Variants in SH2D4A observed in about 807,000 individuals in gnomAD.
SH2D4A encodes the protein SH2 domain-containing protein 4A.
A neutral mutation model predicts 64.7 loss-of-function variants in SH2D4A; 70 were observed. The observed-to-expected ratio is 1.08, with a 90% CI of 0.89 to 1.32. The LOEUF is 1.32. Ranked by LOEUF, SH2D4A falls within the 40% of genes most tolerant of loss-of-function variation. SH2D4A has a pLI of 0.00. For missense variants in SH2D4A, 706 were observed against 540.1 expected (o/e 1.31, Z -3.04); for synonymous variants, 268 against 200.7 (o/e 1.34, Z -2.83).
intron 6 of SH2D4A, 71 bp from the exon 7 acceptor site, chr8:19,364,001 A>G: frequency 8.2e-6 from 12 of 1,462,128 alleles, no homozygotes; most frequent in Non-Finnish European, 1.1e-5. Flanking sequence ...CCCGTTGTGC[A>G]ATGAATGCTG....
intron 6 of SH2D4A, chr8:19,363,826 C>A (rs1420927423): frequency 1.1e-5 from 6 of 525,646 alleles, no homozygotes; most frequent in Non-Finnish European, 1.7e-5. Flanking sequence ...ATCCCTTCTT[C>A]CTCCTCTTCC....
intron 5 of SH2D4A, 80 bp downstream of exon 5, chr8:19,357,363 C>A: frequency 9.8e-7 from 1 of 1,023,234 alleles, no homozygotes. Context: ...GTTAATTAAT[C>A]TCATGCAGAA....
At chr8:19,380,114 T>G (rs2053267757) in intron 8 of SH2D4A, among the ~76,000 whole-genome samples, 1 of 152,184 alleles carries the variant, frequency 6.6e-6, no homozygotes, top group Non-Finnish European at 1.5e-5. Flanking sequence ...TTGAGTTGCA[T>G]TTCCCTAATG....
At chr8:19,392,002 T>G (rs2053501093) in intron 8 of SH2D4A, among the ~76,000 whole-genome samples, 2 of 152,118 alleles carry the variant, frequency 1.3e-5, no homozygotes, top group South Asian at 4.1e-4. Flanking sequence ...GCTCACTGAA[T>G]AATTCATTGA....
In SH2D4A at chr8:19,371,587, C is replaced by G. The variant is rs146582435; in HGVS notation, c.918-1943C>G. Among the ~76,000 whole-genome samples, 103 of 151,906 alleles carry G rather than the reference C, an allele frequency of 6.8e-4. 2 individuals carry two copies. In the East Asian group the frequency reaches 0.016, roughly 23 times the overall value. ...AATCTGACTGGTGACCTTCGATCAT[C>G]CTATGCTTGGCTATTAATTTTTTTC... On this transcript the variant is annotated intron_variant, in intron 7 of 9. Transcript: ENST00000265807.
intron 8 of SH2D4A, among the ~76,000 whole-genome samples, chr8:19,382,687 G>C (rs973841958): frequency 6.6e-6 from 1 of 152,058 alleles, no homozygotes; most frequent in Non-Finnish European, 1.5e-5. Flanking sequence ...ATCATAAGTT[G>C]AGGAGCATCT....
intron 8 of SH2D4A, among the ~76,000 whole-genome samples, chr8:19,379,936 G>A (rs2053264844): frequency 1.3e-5 from 2 of 151,976 alleles, no homozygotes; most frequent in Non-Finnish European, 1.5e-5. Flanking sequence ...GGATCTCACT[G>A]TGTTGCTCAG....
At chr8:19,340,495 T>A (rs2052512308) in intron 4 of SH2D4A, among the ~76,000 whole-genome samples, 1 of 151,902 alleles carries the variant, frequency 6.6e-6, no homozygotes. Context: ...GAGCTGATGC[T>A]AAAGGAGAAG....
Position 19,334,830 on chromosome 8 carries a change from A to G in SH2D4A, c.486A>G (p.Ala162=). The part of the protein sequence containing the change: ...KEELEQGSRP[A]PTLEEEKIRS... ...AACTGGAGCAAGGATCGAGGCCAGC[A>G]CCAACCCTGGAAGAAGAGAAAATCC... The change falls in exon 4 of 10, where the codon GCA becomes GCG. Residue 162 remains alanine (A), a synonymous_variant. Transcript: ENST00000265807. 6.2e-7 allele frequency: 1 copy of G among 1,608,834 alleles called. No individual in the cohort carries two copies. Among genetic ancestry groups the G allele is most frequent in the Non-Finnish European group, 8.5e-7 (1 of 1,178,838 alleles).
chr8:19,357,967 G>A (rs2052820472), intron 5 of SH2D4A, among the ~76,000 whole-genome samples: 1 of 152,144 alleles, frequency 6.6e-6, no homozygotes, highest in South Asian at 2.1e-4. Context: ...CCAGGGACCT[G>A]TGTTCCTGTG....
At chr8:19,314,557 A>G (rs890765028) in intron 1 of SH2D4A, among the ~76,000 whole-genome samples, 3 of 152,102 alleles carry the variant, frequency 2.0e-5, no homozygotes, top group Non-Finnish European at 1.5e-5. Flanking sequence ...AAGGAGCTAC[A>G]GTTTGTAGGT....
intron 2 of SH2D4A, among the ~76,000 whole-genome samples, chr8:19,320,059 T>C (rs1288175175): frequency 1.3e-5 from 2 of 152,198 alleles, no homozygotes; most frequent in African/African-American, 4.8e-5. Context: ...GTTCCTAATA[T>C]GCTACTACTA....
chr8:19,393,224 G>C, intron 8 of SH2D4A, 94 bp from the exon 9 acceptor site: 2 of 1,134,124 alleles, frequency 1.8e-6, no homozygotes, highest in Non-Finnish European at 2.6e-6. Flanking sequence ...TTATTTAGGC[G>C]TCATTGACTC....
At chr8:19,357,148 T>C (rs1278247023) in intron 4 of SH2D4A, 55 bp from the exon 5 acceptor site, 2 of 1,366,986 alleles carry the variant, frequency 1.5e-6, no homozygotes, top group Admixed American at 1.7e-5. Flanking sequence ...CAGATTATCT[T>C]ATGAAACTGC....
At chr8:19,328,355 C>G (rs181405308) in intron 2 of SH2D4A, among the ~76,000 whole-genome samples, 1 of 152,022 alleles carries the variant, frequency 6.6e-6, no homozygotes, top group Non-Finnish European at 1.5e-5. Context: ...GCTTCCAAAA[C>G]AGCTTGTTTT....
chr8:19,316,213 A>G (rs1379556890), intron 1 of SH2D4A, among the ~76,000 whole-genome samples: 1 of 152,234 alleles, frequency 6.6e-6, no homozygotes, highest in African/African-American at 2.4e-5. Flanking sequence ...TGGGTCCCCC[A>G]AGTATTCTTG....
In SH2D4A at chr8:19,373,511, A is replaced by T; in HGVS notation, c.918-19A>T. On this transcript the variant is annotated intron_variant, in intron 7 of 9. Transcript: ENST00000265807. Reference sequence around the variant, plus strand: ...TCAAATTAGTTAAATCTAACTTGAAAAACTTTTATAAATAACAGAAATCAG... The same window carrying T: ...TCAAATTAGTTAAATCTAACTTGAATAACTTTTATAAATAACAGAAATCAG... The T allele has an allele frequency of 6.4e-7, 1 of 1,558,318 alleles. No homozygotes were observed. The highest frequency in any genetic ancestry group is 8.7e-7 in the Non-Finnish European group (1 of 1,153,248).
intron 8 of SH2D4A, among the ~76,000 whole-genome samples, chr8:19,384,938 A>C (rs2053359313): frequency 6.6e-6 from 1 of 152,224 alleles, no homozygotes; most frequent in African/African-American, 2.4e-5. Flanking sequence ...GATTTAGACA[A>C]AAATTCACAT....
At chr8:19,367,372 G>C (rs1030360126) in intron 7 of SH2D4A, among the ~76,000 whole-genome samples, 10 of 152,196 alleles carry the variant, frequency 6.6e-5, no homozygotes, top group African/African-American at 2.4e-4. Context: ...AGCAGGCTAT[G>C]AGAGTTCTCC....
Sources: allele counts gnomAD v4.1 joint callset (sites outside exome capture counted in the v4.1 genomes callset), GRCh38; gene constraint gnomAD v4.1.1; transcripts MANE v1.5; gene names NCBI Gene and HGNC (gene_info 2026-07-23, HGNC 2026-07-21).